The following KIAA1549L variants were observed in gnomAD, a reference collection of about 807,000 sequenced individuals.
KIAA1549L encodes the protein UPF0606 protein KIAA1549L.
A neutral mutation model predicts 160.7 loss-of-function variants in KIAA1549L; 88 were observed. That is an observed-to-expected ratio of 0.55 (90% CI 0.46 to 0.65). KIAA1549L has a LOEUF of 0.65. KIAA1549L is among the 30% of genes least tolerant of loss of function. The pLI, the probability that KIAA1549L is intolerant of heterozygous loss-of-function variation, is 0.00. For synonymous variants in KIAA1549L, 950 were observed against 976.7 expected (o/e 0.97, Z 0.51); for missense variants, 2,258 against 2,437.5 (o/e 0.93, Z 1.55).
chr11:33,654,563 C>A (rs1365209415), intron 17 of KIAA1549L, among the ~76,000 whole-genome samples: 1 of 152,196 alleles, frequency 6.6e-6, no homozygotes. Context: ...TAGAAGGGAC[C>A]AATGCTAGCC....
chr11:33,497,724 A>G (rs979609616), intron 1 of KIAA1549L, among the ~76,000 whole-genome samples: 2 of 152,256 alleles, frequency 1.3e-5, no homozygotes, highest in Non-Finnish European at 2.9e-5. Context: ...GCAGTATTCT[A>G]TCAGTAAAAA....
chr11:33,559,698 C>T, intron 6 of KIAA1549L, 51 bp from the exon 7 acceptor site: 1 of 1,547,748 alleles, frequency 6.5e-7, no homozygotes, highest in Non-Finnish European at 8.9e-7. Flanking sequence ...TGAAACACAC[C>T]CTGGTCTTAT....
In KIAA1549L at chr11:33,542,411, T is replaced by TG. The variant is rs1161892684; in HGVS notation, c.848_849insG (p.Gly284ArgfsTer6). 2 of 1,518,692 alleles carry TG rather than the reference T, an allele frequency of 1.3e-6. No individual in the cohort carries two copies. The highest frequency in any genetic ancestry group is 3.8e-5 in the Admixed American group (2 of 52,622). The allele number at this position is 1,518,692 out of a possible 1,614,324, so 94.1% of individuals were successfully genotyped here. A position where few individuals can be genotyped will look rare whatever the true frequency, so the allele number is the denominator to read the frequency against. On this transcript the variant is annotated frameshift_variant, in exon 2 of 21. Transcript: ENST00000658780. LOFTEE classifies it high-confidence loss of function. ...CAAACAGCTCCAGCCGACCCCTCTT[T>TG]AGGTCAGAACATAGCTAATCCCTTA...
At chr11:33,558,331 T>G (rs767542508) in intron 6 of KIAA1549L, among the ~76,000 whole-genome samples, 6 of 152,098 alleles carry the variant, frequency 3.9e-5, no homozygotes, top group Non-Finnish European at 7.4e-5. Flanking sequence ...TGGGACCCGA[T>G]GGGGTGAGTG....
At chr11:33,393,719 C>T (rs779260030) in intron 1 of KIAA1549L, among the ~76,000 whole-genome samples, 8 of 152,218 alleles carry the variant, frequency 5.3e-5, no homozygotes, top group South Asian at 2.1e-4. Context: ...CTACTTATAC[C>T]GTGTAAAGGT....
At position 33,434,860 on chromosome 11, in the gene KIAA1549L, A is replaced by G. The variant is rs1367591569; in HGVS notation, c.238+57971A>G. Among the ~76,000 whole-genome samples the G allele has an allele frequency of 3.9e-5, 6 of 152,340 alleles. No homozygotes were observed. In the South Asian group the frequency reaches 1.0e-3, roughly 26 times the overall value. Reference sequence around the variant, plus strand: ...CTGAGGTAGAAGTTCCCTGAATTTTAGTTAAACTTATTTCCCATCCTCTGG... The same window carrying G: ...CTGAGGTAGAAGTTCCCTGAATTTTGGTTAAACTTATTTCCCATCCTCTGG... On this transcript the variant is annotated intron_variant, in intron 1 of 20. Transcript: ENST00000658780.
chr11:33,435,016 G>T (rs1215191206), intron 1 of KIAA1549L, among the ~76,000 whole-genome samples: 3 of 152,224 alleles, frequency 2.0e-5, no homozygotes, highest in African/African-American at 7.2e-5. Context: ...AAGATAGAAT[G>T]ATGTTGGCTC....
intron 20 of KIAA1549L, among the ~76,000 whole-genome samples, chr11:33,661,597 G>C (rs1336745928): frequency 3.3e-5 from 5 of 152,130 alleles, no homozygotes; most frequent in African/African-American, 9.7e-5. Flanking sequence ...ACCCAAGATT[G>C]GGCTGGGTGC....
At chr11:33,606,879 A>T in intron 14 of KIAA1549L, 57 bp downstream of exon 14, 1 of 1,436,352 alleles carries the variant, frequency 7.0e-7, no homozygotes, top group Non-Finnish European at 9.4e-7. Context: ...GGAAATTCGG[A>T]CGAAGGAACA....
chr11:33,468,374 A>G (rs1390085137), intron 1 of KIAA1549L, among the ~76,000 whole-genome samples: 1 of 152,234 alleles, frequency 6.6e-6, no homozygotes. Flanking sequence ...AAAATTATCA[A>G]AAACAAATTA....
At chr11:33,619,911 C>T (rs1464010931) in intron 16 of KIAA1549L, among the ~76,000 whole-genome samples, 1 of 152,194 alleles carries the variant, frequency 6.6e-6, no homozygotes, top group Non-Finnish European at 1.5e-5. Flanking sequence ...GTTAATCTTT[C>T]CCCACCAACA....
intron 1 of KIAA1549L, among the ~76,000 whole-genome samples, chr11:33,538,681 T>C (rs1229265955): frequency 1.3e-5 from 2 of 152,196 alleles, no homozygotes; most frequent in African/African-American, 2.4e-5. Context: ...AAATATTGAC[T>C]CTGTTGTTAA....
chr11:33,523,359 A>G (rs1454776166), intron 1 of KIAA1549L, among the ~76,000 whole-genome samples: 1 of 152,176 alleles, frequency 6.6e-6, no homozygotes, highest in Non-Finnish European at 1.5e-5. Flanking sequence ...TGCCCTGTGA[A>G]TCTCCCATAA....
At chr11:33,467,949 G>A (rs1565149241) in intron 1 of KIAA1549L, among the ~76,000 whole-genome samples, 1 of 152,198 alleles carries the variant, frequency 6.6e-6, no homozygotes, top group Non-Finnish European at 1.5e-5. Context: ...CTTGGAGTAG[G>A]GCATTGAGTG....
At chr11:33,411,506 T>C (rs1420450409) in intron 1 of KIAA1549L, among the ~76,000 whole-genome samples, 1 of 152,226 alleles carries the variant, frequency 6.6e-6, no homozygotes, top group Non-Finnish European at 1.5e-5. Flanking sequence ...GTTATTTTAA[T>C]TTCTAAAATG....
chr11:33,658,736 T>C lies in KIAA1549L; in HGVS notation c.5859-14T>C, dbSNP rs780291798. On this transcript the variant is annotated splice_polypyrimidine_tract_variant and intron_variant, in intron 18 of 20. Coordinates refer to ENST00000658780, the MANE Select transcript of KIAA1549L (RefSeq NM_012194.3). ...TCTGGGACAGTGCTAACGCAGTCCC[T>C]CTGCCCCATCTAGATCCACCTCAGA... 8 of 1,567,960 alleles carry C rather than the reference T, an allele frequency of 5.1e-6. No homozygotes were observed. In the South Asian group the frequency reaches 9.5e-5, roughly 19 times the overall value.
At chr11:33,401,688 A>C (rs1000117468) in intron 1 of KIAA1549L, among the ~76,000 whole-genome samples, 4 of 152,030 alleles carry the variant, frequency 2.6e-5, no homozygotes, top group Admixed American at 1.3e-4. Flanking sequence ...CAGTCTCCTC[A>C]GTAGCTGGGA....
chr11:33,635,736 C>A (rs1462889745), intron 16 of KIAA1549L, among the ~76,000 whole-genome samples: 1 of 152,032 alleles, frequency 6.6e-6, no homozygotes, highest in African/African-American at 2.4e-5. Flanking sequence ...ATGGAAATGT[C>A]TTTTACTGTT....
chr11:33,625,158 T>A (rs1385229289), intron 16 of KIAA1549L, among the ~76,000 whole-genome samples: 2 of 151,826 alleles, frequency 1.3e-5, no homozygotes, highest in Admixed American at 1.3e-4. Flanking sequence ...CAGTCTATCA[T>A]TGTTGGACAT....
Sources: allele counts gnomAD v4.1 joint callset (sites outside exome capture counted in the v4.1 genomes callset), GRCh38; gene constraint gnomAD v4.1.1; transcripts MANE v1.5; gene names NCBI Gene and HGNC (gene_info 2026-07-23, HGNC 2026-07-21).